The following EYS variants were observed in gnomAD, a reference collection of about 807,000 sequenced individuals.
EYS encodes EGF-like photoreceptor maintenance factor.
In EYS, 250 loss-of-function variants were observed where a neutral mutation model predicts 282.1. That is an observed-to-expected ratio of 0.89 (90% confidence interval 0.80 to 0.98). The LOEUF is 0.98. Ranked by LOEUF, EYS falls within the 50% of genes least tolerant of loss-of-function variation. The pLI is 0.00. For missense variants in EYS, 4,016 were observed against 3,709.0 expected (o/e 1.08, Z -2.15); for synonymous variants, 1,355 against 1,282.9 (o/e 1.06, Z -1.20).
intron 11 of EYS, among the ~76,000 whole-genome samples, chr6:65,306,643 A>T (rs1216971167): frequency 1.3e-5 from 2 of 150,750 alleles, no homozygotes; most frequent in African/African-American, 4.9e-5. Flanking sequence ...TGTGTTTTAA[A>T]TAAAACTGAT....
At chr6:65,583,357 T>C (rs1764933996) in intron 2 of EYS, among the ~76,000 whole-genome samples, 1 of 152,108 alleles carries the variant, frequency 6.6e-6, no homozygotes, top group South Asian at 2.1e-4. Flanking sequence ...ACATTTTCAG[T>C]AAGACAATTA....
Position 64,463,125 on chromosome 6 carries a change from AT to A in EYS, c.5645-23774del, listed in dbSNP as rs546320649. Among the ~76,000 whole-genome samples, 10 of 151,126 alleles carry A rather than the reference AT, an allele frequency of 6.6e-5. No individual in the cohort carries two copies. In the East Asian group the frequency reaches 2.0e-3, roughly 30 times the overall value. The stretch of plus-strand genomic sequence containing the variant: ...CCACGCCCGGCTATTTATTTTTTGG[AT>A]TTTTTTACTAGAGATGGGGTTTCAC... On this transcript the variant is annotated intron_variant, in intron 26 of 42. Transcript: ENST00000503581.
rs543837503 is a variant in EYS at position 65,035,475 on chromosome 6, C to T, written c.2137+22139G>A. Among the ~76,000 whole-genome samples, 43 of 152,154 alleles carry T rather than the reference C, an allele frequency of 2.8e-4. 1 individual carries two copies. The South Asian group carries it at 8.5e-3, about 30-fold the overall frequency. On this transcript the variant is annotated intron_variant, in intron 13 of 42. Transcript: ENST00000503581. ...AAAAGCTCCTAGATCTGATAAACAA[C>T]TTCAGTAAAGTTTCAGGATACAAAA...
chr6:64,877,931 CT>C (rs1395258883), intron 19 of EYS, among the ~76,000 whole-genome samples: 1 of 152,010 alleles, frequency 6.6e-6, no homozygotes, highest in Non-Finnish European at 1.5e-5. Context: ...GCAGGATAAA[CT>C]TTCCTTAACA....
chr6:65,626,722 A>G (rs534417744), intron 2 of EYS, among the ~76,000 whole-genome samples: 1 of 152,266 alleles, frequency 6.6e-6, no homozygotes, highest in African/African-American at 2.4e-5. Flanking sequence ...TAATTTGCAA[A>G]ATAACAAATT....
chr6:64,454,109 G>A (rs1018538111), intron 26 of EYS, among the ~76,000 whole-genome samples: 1 of 152,066 alleles, frequency 6.6e-6, no homozygotes, highest in African/African-American at 2.4e-5. Flanking sequence ...TTGCAATGTA[G>A]AGTACCAATT....
chr6:64,603,426 T>G (rs1394873735), intron 24 of EYS, among the ~76,000 whole-genome samples: 1 of 151,960 alleles, frequency 6.6e-6, no homozygotes, highest in Non-Finnish European at 1.5e-5. Context: ...CCAAAGTGCC[T>G]GGAAAACCTC....
intron 12 of EYS, among the ~76,000 whole-genome samples, chr6:65,100,047 T>C (rs184827557): frequency 1.1e-4 from 17 of 151,002 alleles, no homozygotes; most frequent in Non-Finnish European, 2.1e-4. Context: ...CCAGTTGATA[T>C]AGAGAAGATA....
At chr6:64,932,978 T>C (rs933785489) in intron 15 of EYS, among the ~76,000 whole-genome samples, 3 of 152,024 alleles carry the variant, frequency 2.0e-5, no homozygotes, top group African/African-American at 7.2e-5. Flanking sequence ...ATTTAAAATG[T>C]CAAGTTACCA....
intron 26 of EYS, among the ~76,000 whole-genome samples, chr6:64,575,930 G>T (rs1765865950): frequency 6.6e-6 from 1 of 152,042 alleles, no homozygotes; most frequent in South Asian, 2.1e-4. Flanking sequence ...TCCTCAAAAT[G>T]ACTGCACAAA....
intron 12 of EYS, among the ~76,000 whole-genome samples, chr6:65,174,646 T>G (rs1309580859): frequency 1.3e-5 from 2 of 151,352 alleles, no homozygotes; most frequent in African/African-American, 4.8e-5. Context: ...TGACAATGAA[T>G]TTTAAAACCA....
chr6:65,339,037 GA>G (rs1405122462), intron 10 of EYS, among the ~76,000 whole-genome samples: 1 of 151,134 alleles, frequency 6.6e-6, no homozygotes, highest in South Asian at 2.1e-4. Flanking sequence ...GACTCTGTGG[GA>G]AAAAATTCTG....
intron 31 of EYS, among the ~76,000 whole-genome samples, chr6:64,191,119 G>GTA (rs1445977931): frequency 2.6e-5 from 4 of 151,710 alleles, no homozygotes; most frequent in Non-Finnish European, 5.9e-5. Flanking sequence ...TTTATCTTTG[G>GTA]TATATATATC....
At chr6:64,562,435 C>T (rs1163783085) in intron 26 of EYS, among the ~76,000 whole-genome samples, 1 of 151,698 alleles carries the variant, frequency 6.6e-6, no homozygotes, top group African/African-American at 2.4e-5. Flanking sequence ...ATTATAGAAC[C>T]TAAAGTTTAA....
chr6:64,894,452 T>C (rs1269632709), intron 18 of EYS, among the ~76,000 whole-genome samples: 4 of 152,120 alleles, frequency 2.6e-5, no homozygotes, highest in Non-Finnish European at 4.4e-5. Flanking sequence ...AGAAATGAAA[T>C]ATATAAACAG....
intron 26 of EYS, among the ~76,000 whole-genome samples, chr6:64,450,671 T>C (rs1766936991): frequency 6.6e-6 from 1 of 152,078 alleles, no homozygotes; most frequent in Non-Finnish European, 1.5e-5. Context: ...CAGACCACAG[T>C]GCAATCAAAC....
chr6:64,982,465 A>G (rs1031948420), intron 14 of EYS, among the ~76,000 whole-genome samples: 2 of 151,326 alleles, frequency 1.3e-5, no homozygotes, highest in African/African-American at 4.8e-5. Flanking sequence ...TTCTATTAGT[A>G]GGATCTGTCA....
At chr6:64,788,621 G>A (rs142482068) in intron 22 of EYS, among the ~76,000 whole-genome samples, 59 of 152,186 alleles carry the variant, frequency 3.9e-4, no homozygotes, top group South Asian at 1.0e-3. Flanking sequence ...GTGACTTCCC[G>A]TTTCAGCTCC....
chr6:64,925,510 T>C (rs945227028), intron 15 of EYS, among the ~76,000 whole-genome samples: 1 of 152,072 alleles, frequency 6.6e-6, no homozygotes, highest in African/African-American at 2.4e-5. Flanking sequence ...GCAAGGGTGG[T>C]GTGAATAATA....
Sources: allele counts gnomAD v4.1 joint callset (sites outside exome capture counted in the v4.1 genomes callset), GRCh38; gene constraint gnomAD v4.1.1; transcripts MANE v1.5; gene names NCBI Gene and HGNC (gene_info 2026-07-23, HGNC 2026-07-21).